TNRC6B: variants seen among roughly 807,000 people sequenced by gnomAD.
TNRC6B encodes the protein trinucleotide repeat-containing gene 6B protein.
In TNRC6B, 52 loss-of-function variants were observed where a neutral mutation model predicts 203.6. The observed-to-expected ratio is 0.26, with a 90% confidence interval of 0.20 to 0.32. TNRC6B has a LOEUF of 0.32. Ranked by LOEUF, TNRC6B falls within the 10% of genes least tolerant of loss-of-function variation. TNRC6B has a pLI of 1.00. For missense variants in TNRC6B, 1,923 were observed against 2,286.2 expected (o/e 0.84, Z 3.24); for synonymous variants, 838 against 845.7 (o/e 0.99, Z 0.16).
Position 40,262,086 on chromosome 22 carries a change from C to T in TNRC6B, c.370C>T (p.Pro124Ser), listed in dbSNP as rs1296209560. ...SCMLLGGGAG[P>S]PPCTAPGANP... ...CATGCTCCTTGGGGGTGGGGCAGGGCCTCCTCCCTGCACAGCACCTGGAGC... is the reference window on the plus strand; with the variant it reads ...CATGCTCCTTGGGGGTGGGGCAGGGTCTCCTCCCTGCACAGCACCTGGAGC... Residue 124 changes from proline to serine, a missense_variant, in exon 4 of 23, where the codon CCT becomes TCT. Physicochemically the swap from Pro to Ser is moderately conservative, Grantham distance 74. Transcript: ENST00000454349. The T allele has an allele frequency of 1.3e-6, 2 of 1,570,364 alleles. No homozygotes were observed. Among genetic ancestry groups the T allele is most frequent in the Non-Finnish European group, 8.7e-7 (1 of 1,148,974 alleles).
At position 40,048,952 on chromosome 22, in the gene TNRC6B, C is replaced by T. The variant is rs560081765; in HGVS notation, c.-121+3954C>T. On this transcript the variant is annotated intron_variant, in intron 1 of 23. Transcript: ENST00000301923. ...GCCCCGCTCCCCCCTCCCAACTTCA[C>T]TGGGTTCAAGCGATTCTCCTGCCTC... 1.1e-4 allele frequency among the ~76,000 whole-genome samples: 17 copies of T among 152,208 alleles called. No individual in the cohort carries two copies. In the South Asian group the frequency reaches 3.5e-3, roughly 32 times the overall value.
chr22:40,072,886 A>G (rs2067964699), intron 1 of TNRC6B, among the ~76,000 whole-genome samples: 1 of 150,466 alleles, frequency 6.6e-6, no homozygotes, highest in Admixed American at 6.6e-5. Context: ...AAAAAAAAAA[A>G]AAGCTGGCTT....
At chr22:40,051,919 G>C (rs998945365) in intron 1 of TNRC6B, among the ~76,000 whole-genome samples, 2 of 152,122 alleles carry the variant, frequency 1.3e-5, no homozygotes, top group African/African-American at 2.4e-5. Flanking sequence ...TTGAAATCTG[G>C]AGTGTATTTT....
intron 1 of TNRC6B, among the ~76,000 whole-genome samples, chr22:40,087,757 C>T (rs1194548759): frequency 1.3e-5 from 2 of 152,084 alleles, no homozygotes; most frequent in African/African-American, 4.8e-5. Context: ...CCTTGGGGGA[C>T]CTGGGAATGC....
intron 7 of TNRC6B, chr22:40,276,737 G>C: frequency 5.6e-6 from 1 of 178,678 alleles, no homozygotes; most frequent in Non-Finnish European, 1.2e-5. Flanking sequence ...GGGTTACGAG[G>C]AGAGCAGCCT....
intron 1 of TNRC6B, among the ~76,000 whole-genome samples, chr22:40,056,470 C>T (rs369505714): frequency 1.2e-4 from 19 of 152,028 alleles, no homozygotes; most frequent in African/African-American, 3.1e-4. Context: ...GGAAGCAGGA[C>T]GAGGTTGAGA....
upstream of TNRC6B, among the ~76,000 whole-genome samples, chr22:40,174,977 T>C (rs1309655752): frequency 6.6e-6 from 1 of 152,204 alleles, no homozygotes; most frequent in Non-Finnish European, 1.5e-5. Flanking sequence ...ATGTATTTAT[T>C]GCACTTGTTT....
At chr22:40,057,808 G>T (rs1375850017) in intron 1 of TNRC6B, among the ~76,000 whole-genome samples, 1 of 152,102 alleles carries the variant, frequency 6.6e-6, no homozygotes, top group Non-Finnish European at 1.5e-5. Flanking sequence ...GGAGCTAAAT[G>T]TCTTTCTCCT....
intron 1 of TNRC6B, among the ~76,000 whole-genome samples, chr22:40,243,164 C>T (rs972562624): frequency 3.9e-5 from 6 of 152,140 alleles, no homozygotes; most frequent in Admixed American, 6.6e-5. Context: ...CCACCGCAAC[C>T]GGCCTGGATT....
At chr22:40,297,145 A>G (rs930115046) in intron 12 of TNRC6B, among the ~76,000 whole-genome samples, 1 of 152,224 alleles carries the variant, frequency 6.6e-6, no homozygotes, top group African/African-American at 2.4e-5. Context: ...AGAACAATAT[A>G]GTTGTTGTAC....
chr22:40,268,150 C>T (rs1039349623), intron 5 of TNRC6B, among the ~76,000 whole-genome samples: 31 of 152,142 alleles, frequency 2.0e-4, no homozygotes, highest in Admixed American at 1.3e-4. Context: ...TGCAGTGGCA[C>T]GATCTCGGCT....
In TNRC6B at chr22:40,321,221, A is replaced by T; in HGVS notation, c.5106A>T (p.Ala1702=). Residue 1702 remains alanine (A), a synonymous_variant, in exon 22 of 23, where the codon GCA becomes GCT. Coordinates refer to ENST00000454349, the MANE Select transcript of TNRC6B (RefSeq NM_001162501.2). The stretch of plus-strand genomic sequence containing the variant: ...AGGAGGCGGCCAAGGCCCAAACTGC[A>T]CTGCACATGTGAGTATTCGGTCCTA... ...TKQEAAKAQT[A]LHMCVLGNTT... 1 of 1,613,886 alleles carries T rather than the reference A, an allele frequency of 6.2e-7. No individual in the cohort carries two copies. The highest frequency in any genetic ancestry group is 2.2e-5 in the East Asian group (1 of 44,888).
Position 40,216,167 on chromosome 22 carries a change from G to A in TNRC6B, c.6-29848G>A, listed in dbSNP as rs534046438. On this transcript the variant is annotated intron_variant, in intron 1 of 22. Coordinates refer to ENST00000454349, the MANE Select transcript of TNRC6B (RefSeq NM_001162501.2). ...GCCGTTCCCCCTAGTTAGATGCCCC[G>A]TCTGCTTCTTACCTAGTCAGCTTTT... 5.3e-5 allele frequency among the ~76,000 whole-genome samples: 8 copies of A among 152,260 alleles called. No individual in the cohort carries two copies. In the East Asian group the frequency reaches 5.8e-4, roughly 11 times the overall value.
intron 1 of TNRC6B, among the ~76,000 whole-genome samples, chr22:40,083,006 A>T (rs1448854824): frequency 6.6e-6 from 1 of 152,272 alleles, no homozygotes; most frequent in Non-Finnish European, 1.5e-5. Context: ...AAAGTTCCCA[A>T]CTACAGATAT....
At chr22:40,212,907 C>T (rs1459866381) in intron 1 of TNRC6B, among the ~76,000 whole-genome samples, 5 of 152,176 alleles carry the variant, frequency 3.3e-5, no homozygotes, top group African/African-American at 1.2e-4. Flanking sequence ...GCCTCAGCCT[C>T]CCAAAGTGCT....
chr22:40,212,962 A>C (rs1348907566), intron 1 of TNRC6B, among the ~76,000 whole-genome samples: 1 of 152,120 alleles, frequency 6.6e-6, no homozygotes, highest in African/African-American at 2.4e-5. Context: ...CCTAATTTTT[A>C]AATTGAATTT....
At chr22:40,140,090 A>G (rs956469448) in intron 3 of TNRC6B, among the ~76,000 whole-genome samples, 1 of 152,174 alleles carries the variant, frequency 6.6e-6, no homozygotes, top group African/African-American at 2.4e-5. Flanking sequence ...TCCTCACTGA[A>G]TTACATTAGT....
chr22:40,329,175 G>A lies in TNRC6B; in HGVS notation c.*5934G>A, dbSNP rs746494576. On this transcript the variant is annotated 3_prime_UTR_variant, in exon 23 of 23. Transcript: ENST00000454349. ...TTGTCAGTCTTCAGACCTCATGGTC[G>A]TTAAGAAAATAGGGAACTCACAAAC... 10 of 152,228 alleles carry A rather than the reference G, an allele frequency of 6.6e-5. No individual in the cohort carries two copies. The highest frequency in any genetic ancestry group is 1.9e-4 in the East Asian group (1 of 5,202). 9.4% of individuals were successfully genotyped at this position (152,228 alleles called of 1,614,324 possible).
At chr22:40,201,245 G>A (rs1433800855) in intron 1 of TNRC6B, among the ~76,000 whole-genome samples, 1 of 152,070 alleles carries the variant, frequency 6.6e-6, no homozygotes, top group Non-Finnish European at 1.5e-5. Context: ...TGCTTTTAGT[G>A]GCTTTGTTAG....
Sources: allele counts gnomAD v4.1 joint callset (sites outside exome capture counted in the v4.1 genomes callset), GRCh38; gene constraint gnomAD v4.1.1; transcripts MANE v1.5; gene names NCBI Gene and HGNC (gene_info 2026-07-23, HGNC 2026-07-21).